The following PRKCQ variants were observed in gnomAD, a reference collection of about 807,000 sequenced individuals.
The protein encoded by PRKCQ is protein kinase C theta.
A neutral mutation model predicts 91.2 loss-of-function variants in PRKCQ; 41 were observed. The ratio of observed to expected loss-of-function variants is 0.45; its 90% CI spans 0.35 to 0.58. PRKCQ has a LOEUF of 0.58. Ranked by LOEUF, PRKCQ falls within the 20% of genes least tolerant of loss-of-function variation. The pLI, the probability that PRKCQ is intolerant of heterozygous loss-of-function variation, is 0.00. For synonymous variants in PRKCQ, 307 were observed against 316.9 expected, an observed-to-expected ratio of 0.97 and a Z score of 0.33; for missense variants, 673 against 896.5, an observed-to-expected ratio of 0.75 and a Z score of 3.18.
intron 1 of PRKCQ, among the ~76,000 whole-genome samples, chr10:6,531,536 GCAATGCCGAGAATATCTCCCCA>G (rs958067766): frequency 6.6e-6 from 1 of 150,732 alleles, no homozygotes; most frequent in African/African-American, 2.4e-5. Flanking sequence ...TAAATAAATG[GCAATGCCGAGAATATCTCCCCA>G]ACCCATTCCT....
the PRKCQ span, among the ~76,000 whole-genome samples, chr10:6,413,724 TGCGCGC>T: frequency 2.0e-5 from 1 of 49,658 alleles, no homozygotes. Context: ...ATGCCACTTG[TGCGCGC>T]GCACACACAC....
Position 6,435,059 on chromosome 10 carries a change from C to T in PRKCQ, c.1837-4121G>A, listed in dbSNP as rs1213908124. 1.2e-4 allele frequency among the ~76,000 whole-genome samples: 18 copies of T among 152,248 alleles called. 1 individual carries two copies. Among genetic ancestry groups the T allele is most frequent in the South Asian group, 4.2e-4 (2 of 4,816 alleles). ...CCTCCCGAGTAGCTGGGACTACAGG[C>T]GCCCACCACCACACCTGGCTAATTT... On this transcript the variant is annotated intron_variant, in intron 16 of 17. Coordinates refer to ENST00000263125, the MANE Select transcript of PRKCQ (RefSeq NM_006257.5).
intron 4 of PRKCQ, among the ~76,000 whole-genome samples, chr10:6,499,109 G>A (rs1837770895): frequency 6.6e-6 from 1 of 152,176 alleles, no homozygotes; most frequent in Admixed American, 6.5e-5. Flanking sequence ...GGAACTTTGG[G>A]ACATTGTGTC....
intron 12 of PRKCQ, among the ~76,000 whole-genome samples, chr10:6,468,151 A>ATTT (rs1835782109): frequency 1.3e-5 from 2 of 152,376 alleles, no homozygotes; most frequent in African/African-American, 4.8e-5. Flanking sequence ...GAGCAGATAA[A>ATTT]GGTCCTAGAG....
At chr10:6,484,427 A>G (rs577725362) in intron 10 of PRKCQ, among the ~76,000 whole-genome samples, 1 of 152,122 alleles carries the variant, frequency 6.6e-6, no homozygotes, top group Admixed American at 6.5e-5. Context: ...AAAAGAAAAA[A>G]AAAAGATGCT....
At chr10:6,549,721 C>T (rs1418726241) in intron 1 of PRKCQ, among the ~76,000 whole-genome samples, 2 of 150,666 alleles carry the variant, frequency 1.3e-5, no homozygotes, top group African/African-American at 4.9e-5. Flanking sequence ...ATCTCCACCT[C>T]CCAGGCTCAA....
At chr10:6,484,560 A>G (rs1300249889) in intron 10 of PRKCQ, among the ~76,000 whole-genome samples, 2 of 152,146 alleles carry the variant, frequency 1.3e-5, no homozygotes, top group African/African-American at 4.8e-5. Context: ...CATAAGAGAA[A>G]TTTTTAGGAA....
chr10:6,454,082 AAATT>A (rs1834873953), intron 15 of PRKCQ, among the ~76,000 whole-genome samples: 1 of 152,168 alleles, frequency 6.6e-6, no homozygotes, highest in Non-Finnish European at 1.5e-5. Flanking sequence ...AATAATAAAT[AAATT>A]AATGCAATTT....
intron 1 of PRKCQ, among the ~76,000 whole-genome samples, chr10:6,551,005 A>T (rs1458814842): frequency 1.3e-5 from 2 of 151,764 alleles, no homozygotes; most frequent in African/African-American, 2.4e-5. Context: ...TCTTTTTTTT[A>T]AATGTTTATT....
At chr10:6,536,586 C>G (rs1839590440) in intron 1 of PRKCQ, among the ~76,000 whole-genome samples, 1 of 152,118 alleles carries the variant, frequency 6.6e-6, no homozygotes, top group Non-Finnish European at 1.5e-5. Flanking sequence ...CTAAAAATCT[C>G]TTCTTCTTCC....
At chr10:6,487,863 G>C (rs1279033133) in intron 8 of PRKCQ, among the ~76,000 whole-genome samples, 2 of 151,960 alleles carry the variant, frequency 1.3e-5, no homozygotes, top group African/African-American at 4.8e-5. Context: ...AAATTAGCCA[G>C]GTGTGGTGGT....
chr10:6,512,961 C>G (rs1028358705), intron 2 of PRKCQ, among the ~76,000 whole-genome samples: 2 of 152,150 alleles, frequency 1.3e-5, no homozygotes, highest in East Asian at 1.9e-4. Flanking sequence ...TTCCACAGAC[C>G]TGAAGCTTCC....
chr10:6,555,148 AG>A (rs376670990), intron 1 of PRKCQ, among the ~76,000 whole-genome samples: 54 of 152,158 alleles, frequency 3.5e-4, no homozygotes, highest in Middle Eastern at 3.4e-3. Context: ...GGGGGGGTCT[AG>A]GGTTGAAAAA....
At chr10:6,432,963 TC>T (rs1282357677) in intron 16 of PRKCQ, among the ~76,000 whole-genome samples, 1 of 152,172 alleles carries the variant, frequency 6.6e-6, no homozygotes, top group Admixed American at 6.5e-5. Flanking sequence ...CACCCCCTTT[TC>T]CTTGTGAAAC....
chr10:6,478,876 G>A (rs1015566740), intron 12 of PRKCQ, 116 bp downstream of exon 12: 15 of 1,227,582 alleles, frequency 1.2e-5, no homozygotes, highest in African/African-American at 1.1e-4. Flanking sequence ...CAGGTACACC[G>A]AAATGTAAGA....
At position 6,521,158 on chromosome 10, in the gene PRKCQ, CGA is replaced by C. The variant is rs144398429; in HGVS notation, c.-9-6016_-9-6015del. On this transcript the variant is annotated intron_variant, in intron 1 of 17. Transcript: ENST00000263125. ...TCACGTCTGTCTTCCTCAACAATTCCGAGAGAAGGGGCCATGACTTCATCATC... is the reference window on the plus strand; with the variant it reads ...TCACGTCTGTCTTCCTCAACAATTCCGAGAAGGGGCCATGACTTCATCATC... Among the ~76,000 whole-genome samples the C allele has an allele frequency of 4.7e-4, 71 of 152,240 alleles. 1 individual carries two copies. In the East Asian group the frequency reaches 0.011, roughly 24 times the overall value.
intron 1 of PRKCQ, among the ~76,000 whole-genome samples, chr10:6,519,061 G>A (rs1838894895): frequency 1.3e-5 from 2 of 152,156 alleles, no homozygotes; most frequent in South Asian, 4.1e-4. Flanking sequence ...GTAAAAATAT[G>A]CGTATCTATC....
downstream of PRKCQ, among the ~76,000 whole-genome samples, chr10:6,426,583 A>G (rs1833128352): frequency 6.6e-6 from 1 of 152,204 alleles, no homozygotes; most frequent in African/African-American, 2.4e-5. Flanking sequence ...CCATCCTTAA[A>G]TGAGGTTACT....
chr10:6,516,110 G>A (rs1025787707), intron 1 of PRKCQ, among the ~76,000 whole-genome samples: 4 of 152,158 alleles, frequency 2.6e-5, no homozygotes, highest in Admixed American at 2.0e-4. Context: ...AAGAAACAAA[G>A]CATTGATTGT....
Sources: allele counts gnomAD v4.1 joint callset (sites outside exome capture counted in the v4.1 genomes callset), GRCh38; gene constraint gnomAD v4.1.1; transcripts MANE v1.5; gene names NCBI Gene and HGNC (gene_info 2026-07-23, HGNC 2026-07-21).